The following PTPRD variants were observed in gnomAD, a reference collection of about 807,000 sequenced individuals.
PTPRD encodes protein tyrosine phosphatase receptor type D.
PTPRD carries 34 observed loss-of-function variants against 214.5 expected under a neutral mutation model. The ratio of observed to expected loss-of-function variants is 0.16; its 90% CI spans 0.12 to 0.21. The LOEUF is 0.21. PTPRD is among the 10% of genes least tolerant of loss of function. The pLI, the probability that PTPRD is intolerant of heterozygous loss-of-function variation, is 1.00. For synonymous variants in PTPRD, 1,128 were observed against 845.7 expected, an observed-to-expected ratio of 1.33 and a Z score of -5.79; for missense variants, 2,545 against 2,398.7, an observed-to-expected ratio of 1.06 and a Z score of -1.27.
At chr9:8,745,287 T>C (rs139295069) in intron 11 of PTPRD, among the ~76,000 whole-genome samples, 175 of 152,386 alleles carry the variant, frequency 1.1e-3, no homozygotes, top group African/African-American at 4.1e-3. Flanking sequence ...TAGCATGGTG[T>C]ATCTACTTTT....
intron 9 of PTPRD, among the ~76,000 whole-genome samples, chr9:9,393,024 G>A (rs549119417): frequency 4.7e-4 from 71 of 152,160 alleles, no homozygotes; most frequent in Non-Finnish European, 9.0e-4. Context: ...GTGATGGGGC[G>A]GGAGCTGGTT....
intron 14 of PTPRD, among the ~76,000 whole-genome samples, chr9:8,544,164 CT>C (rs373194856): frequency 0.13 from 14,842 of 110,996 alleles, 689 homozygotes; most frequent in East Asian, 0.24. Flanking sequence ...TTTGCCATTA[CT>C]TTTTTTTTTT....
At chr9:9,159,085 T>G (rs1331078089) in intron 10 of PTPRD, among the ~76,000 whole-genome samples, 1 of 152,220 alleles carries the variant, frequency 6.6e-6, no homozygotes, top group African/African-American at 2.4e-5. Context: ...GCATGATAAA[T>G]CTATATCTAA....
At chr9:10,599,802 A>C (rs1000280011) in intron 2 of PTPRD, among the ~76,000 whole-genome samples, 12 of 151,774 alleles carry the variant, frequency 7.9e-5, no homozygotes, top group African/African-American at 2.7e-4. Flanking sequence ...TTTCATCAAT[A>C]ACAGAAGAGC....
At chr9:10,262,059 T>C (rs2093731961) in intron 3 of PTPRD, among the ~76,000 whole-genome samples, 1 of 152,162 alleles carries the variant, frequency 6.6e-6, no homozygotes, top group Non-Finnish European at 1.5e-5. Context: ...AAGATGCTAC[T>C]TAATATGACC....
chr9:10,090,421 T>C (rs568037850), intron 3 of PTPRD, among the ~76,000 whole-genome samples: 2 of 151,512 alleles, frequency 1.3e-5, no homozygotes, highest in South Asian at 2.1e-4. Flanking sequence ...TATTGATTCA[T>C]GGCAATTCTT....
intron 12 of PTPRD, among the ~76,000 whole-genome samples, chr9:8,660,367 C>T (rs956418492): frequency 2.6e-5 from 4 of 152,084 alleles, no homozygotes; most frequent in South Asian, 2.1e-4. Context: ...TGTGTGGCTC[C>T]GTTCGTAACA....
intron 8 of PTPRD, among the ~76,000 whole-genome samples, chr9:9,490,557 A>C (rs2095851970): frequency 6.6e-6 from 1 of 152,032 alleles, no homozygotes; most frequent in South Asian, 2.1e-4. Context: ...ACAATGTATA[A>C]AAATGAAATT....
In PTPRD at chr9:8,786,456, T is replaced by C. The variant is rs548646750; in HGVS notation, c.-103-52510A>G. ...ACAGAGTCTCGCTCTGTCGCCCAGC[T>C]TGGAGTGCAGTGGCTCCATCTCAGC... On this transcript the variant is annotated intron_variant, in intron 11 of 45. Coordinates refer to ENST00000381196, the MANE Select transcript of PTPRD (RefSeq NM_002839.4). 3.1e-3 allele frequency among the ~76,000 whole-genome samples: 449 copies of C among 145,058 alleles called. 2 individuals are homozygous for C. The highest frequency in any genetic ancestry group is 0.011 in the African/African-American group (427 of 38,278).
At chr9:8,643,798 G>A in intron 12 of PTPRD, among the ~76,000 whole-genome samples, 1 of 152,186 alleles carries the variant, frequency 6.6e-6, no homozygotes, top group East Asian at 1.9e-4. Flanking sequence ...GGAGCTGAGG[G>A]CAACTCAGGG....
intron 11 of PTPRD, among the ~76,000 whole-genome samples, chr9:8,974,800 C>A (rs73427761): frequency 0.018 from 2,757 of 151,668 alleles, 82 homozygotes; most frequent in African/African-American, 0.063. Flanking sequence ...CCCTATGCAC[C>A]AAGAAAGATA....
chr9:9,977,144 C>G (rs1566877584), intron 4 of PTPRD, among the ~76,000 whole-genome samples: 1 of 152,286 alleles, frequency 6.6e-6, no homozygotes, highest in East Asian at 1.9e-4. Context: ...CTGAAGCTTG[C>G]AGATTGCACT....
chr9:8,392,344 A>T (rs1258000197), intron 36 of PTPRD, among the ~76,000 whole-genome samples: 1 of 152,018 alleles, frequency 6.6e-6, no homozygotes, highest in Non-Finnish European at 1.5e-5. Context: ...GCAACATGGC[A>T]AAGAGACCCT....
intron 10 of PTPRD, among the ~76,000 whole-genome samples, chr9:9,101,601 T>C (rs751603950): frequency 6.6e-6 from 1 of 152,174 alleles, no homozygotes; most frequent in Non-Finnish European, 1.5e-5. Context: ...TATTATCTTT[T>C]GTAGCACCTG....
intron 8 of PTPRD, among the ~76,000 whole-genome samples, chr9:9,485,167 A>G (rs1437103523): frequency 6.6e-6 from 1 of 152,170 alleles, no homozygotes; most frequent in Non-Finnish European, 1.5e-5. Context: ...TCTATAATAC[A>G]TTTTCAGAAA....
intron 8 of PTPRD, among the ~76,000 whole-genome samples, chr9:9,413,109 T>TC: frequency 9.0e-6 from 1 of 110,660 alleles, no homozygotes; most frequent in East Asian, 3.2e-4. Context: ...TCTTTTTTTT[T>TC]TTTTTTTTTT....
intron 10 of PTPRD, among the ~76,000 whole-genome samples, chr9:9,105,402 T>C (rs1182930571): frequency 6.6e-6 from 1 of 152,210 alleles, no homozygotes; most frequent in East Asian, 1.9e-4. Flanking sequence ...TTTTCTTCAG[T>C]GATTCCTTAG....
chr9:10,534,620 A>T (rs913854432), intron 2 of PTPRD, among the ~76,000 whole-genome samples: 1 of 152,136 alleles, frequency 6.6e-6, no homozygotes, highest in Non-Finnish European at 1.5e-5. Context: ...CAACAGGACC[A>T]AATTTTTGTT....
chr9:9,868,644 G>A (rs1437316886), intron 5 of PTPRD, among the ~76,000 whole-genome samples: 1 of 151,820 alleles, frequency 6.6e-6, no homozygotes, highest in African/African-American at 2.4e-5. Flanking sequence ...AACGTGCAGT[G>A]TAACAGGGTT....
Sources: allele counts gnomAD v4.1 joint callset (sites outside exome capture counted in the v4.1 genomes callset), GRCh38; gene constraint gnomAD v4.1.1; transcripts MANE v1.5; gene names NCBI Gene and HGNC (gene_info 2026-07-23, HGNC 2026-07-21).